SORCS2: variants seen among roughly 807,000 people sequenced by gnomAD.
The protein encoded by SORCS2 is VPS10 domain-containing receptor SorCS2.
In SORCS2, 100 loss-of-function variants were observed where a neutral mutation model predicts 141.6. The observed-to-expected ratio is 0.71, with a 90% CI of 0.60 to 0.83. The LOEUF is 0.83. Ranked by LOEUF, SORCS2 falls within the 40% of genes least tolerant of loss-of-function variation. The pLI, the probability that SORCS2 is intolerant of heterozygous loss-of-function variation, is 0.00. For missense variants in SORCS2, 1,646 were observed against 1,560.2 expected (o/e 1.05, Z -0.93); for synonymous variants, 789 against 676.9 (o/e 1.17, Z -2.57).
intron 4 of SORCS2, among the ~76,000 whole-genome samples, chr4:7,652,014 T>A (rs1721477034): frequency 6.6e-6 from 1 of 152,264 alleles, no homozygotes; most frequent in Non-Finnish European, 1.5e-5. Context: ...GTTTCCAAGA[T>A]GCCACATTTG....
chr4:7,447,885 C>T (rs537259627), intron 2 of SORCS2, among the ~76,000 whole-genome samples: 7 of 152,184 alleles, frequency 4.6e-5, no homozygotes, highest in African/African-American at 1.2e-4. Flanking sequence ...ACTGCAGATA[C>T]GGCAGAGGTG....
At chr4:7,333,121 G>A (rs1306973254) in intron 1 of SORCS2, among the ~76,000 whole-genome samples, 1 of 152,190 alleles carries the variant, frequency 6.6e-6, no homozygotes, top group South Asian at 2.1e-4. Flanking sequence ...CGGTGTGGCC[G>A]TGCAGGCAGG....
intron 1 of SORCS2, among the ~76,000 whole-genome samples, chr4:7,333,237 C>T (rs1719770014): frequency 1.3e-5 from 2 of 152,242 alleles, no homozygotes; most frequent in South Asian, 4.1e-4. Flanking sequence ...CTGGTGCCCA[C>T]ACCTGCCTCT....
intron 2 of SORCS2, among the ~76,000 whole-genome samples, chr4:7,512,836 A>G (rs1160406286): frequency 6.6e-6 from 1 of 152,132 alleles, no homozygotes; most frequent in Non-Finnish European, 1.5e-5. Context: ...CTGTAAGGCC[A>G]GAAACCCTGC....
intron 1 of SORCS2, among the ~76,000 whole-genome samples, chr4:7,338,189 T>A (rs898708148): frequency 2.8e-5 from 4 of 140,426 alleles, no homozygotes; most frequent in Non-Finnish European, 6.2e-5. Context: ...GGATGTTGGA[T>A]GTTGGATGGA....
chr4:7,492,440 C>T (rs956120464), intron 2 of SORCS2, among the ~76,000 whole-genome samples: 2 of 152,238 alleles, frequency 1.3e-5, no homozygotes, highest in Non-Finnish European at 2.9e-5. Context: ...TAGGATTCCG[C>T]GGTGTGGATA....
chr4:7,516,103 C>T (rs566493657), intron 2 of SORCS2, among the ~76,000 whole-genome samples: 1 of 152,296 alleles, frequency 6.6e-6, no homozygotes, highest in South Asian at 2.1e-4. Flanking sequence ...TCATTCCACC[C>T]GCATTTACCG....
intron 23 of SORCS2, among the ~76,000 whole-genome samples, chr4:7,730,089 C>T (rs969316710): frequency 1.3e-5 from 2 of 152,124 alleles, no homozygotes; most frequent in East Asian, 1.9e-4. Context: ...GTTTCGGGGC[C>T]GAGCAGAAGT....
At chr4:7,332,552 G>A (rs1418583228) in intron 1 of SORCS2, among the ~76,000 whole-genome samples, 1 of 152,232 alleles carries the variant, frequency 6.6e-6, no homozygotes, top group African/African-American at 2.4e-5. Flanking sequence ...TCCGGGCTGG[G>A]CATGTTGACG....
At chr4:7,593,117 T>C (rs56164588) in intron 3 of SORCS2, among the ~76,000 whole-genome samples, 33,004 of 152,068 alleles carry the variant, frequency 0.22, 4,306 homozygotes, top group Middle Eastern at 0.31. Context: ...CAGTGAGCCA[T>C]GATCGCACCC....
chr4:7,491,440 A>G lies in SORCS2; in HGVS notation c.549-40090A>G, dbSNP rs1030772062. Among the ~76,000 whole-genome samples the G allele has an allele frequency of 2.0e-5, 3 of 152,232 alleles. No homozygotes were observed. In the East Asian group the frequency reaches 5.8e-4, roughly 29 times the overall value. ...CATGCCCCTCTCTGCAGGCAGGTGC[A>G]GCGGCTGCACTTTTCATGCTGGTGT... is the stretch of plus-strand genomic sequence containing the variant. On this transcript the variant is annotated intron_variant, in intron 2 of 26. Coordinates refer to ENST00000507866, the MANE Select transcript of SORCS2 (RefSeq NM_020777.3).
At chr4:7,293,029 C>A (rs937252820) in intron 1 of SORCS2, among the ~76,000 whole-genome samples, 1 of 152,220 alleles carries the variant, frequency 6.6e-6, no homozygotes, top group African/African-American at 2.4e-5. Context: ...TGAGGCTGGG[C>A]GTGGTGGCTC....
intron 3 of SORCS2, among the ~76,000 whole-genome samples, chr4:7,578,279 G>T (rs1034861519): frequency 6.6e-6 from 1 of 152,200 alleles, no homozygotes; most frequent in African/African-American, 2.4e-5. Flanking sequence ...GGATTTTCCA[G>T]TCACCATAAT....
intron 1 of SORCS2, among the ~76,000 whole-genome samples, chr4:7,380,592 C>T (rs149750837): frequency 3.7e-4 from 56 of 152,340 alleles, no homozygotes; most frequent in South Asian, 2.1e-3. Flanking sequence ...ATGTGGTTTC[C>T]GTCATCCTCT....
At chr4:7,511,127 GAGA>G (rs1732615118) in intron 2 of SORCS2, among the ~76,000 whole-genome samples, 1 of 152,114 alleles carries the variant, frequency 6.6e-6, no homozygotes, top group African/African-American at 2.4e-5. Flanking sequence ...GAGACATGTA[GAGA>G]AGGACAGATC....
intron 10 of SORCS2, among the ~76,000 whole-genome samples, chr4:7,686,625 T>G (rs1053931855): frequency 1.3e-5 from 2 of 152,250 alleles, no homozygotes; most frequent in African/African-American, 2.4e-5. Flanking sequence ...GCCCTGTCTC[T>G]GACCACATGC....
chr4:7,407,520 A>G (rs1427414426), intron 2 of SORCS2, among the ~76,000 whole-genome samples: 87 of 151,996 alleles, frequency 5.7e-4, no homozygotes, highest in Non-Finnish European at 2.9e-5. Context: ...TTTGGTTTCA[A>G]GTTGCATGGA....
At chr4:7,199,121 C>T (rs918547080) in intron 1 of SORCS2, among the ~76,000 whole-genome samples, 3 of 152,124 alleles carry the variant, frequency 2.0e-5, no homozygotes, top group Non-Finnish European at 4.4e-5. Flanking sequence ...GATGGGGAGC[C>T]GTGCTCTCTC....
intron 1 of SORCS2, among the ~76,000 whole-genome samples, chr4:7,279,632 C>A (rs1163232617): frequency 1.3e-5 from 2 of 152,200 alleles, no homozygotes; most frequent in African/African-American, 4.8e-5. Flanking sequence ...ATGGCGCAGG[C>A]CTTAGGTTTG....
Sources: gnomAD v4.1 joint callset for allele counts (sites outside exome capture counted in the v4.1 genomes callset) on GRCh38, gnomAD v4.1.1 for gene constraint, MANE v1.5 for transcripts, NCBI Gene and HGNC (gene_info 2026-07-23, HGNC 2026-07-21) for gene names.